Variants in AGBL1 observed in about 807,000 individuals in gnomAD.
The protein encoded by AGBL1 is AGBL carboxypeptidase 1.
Under a neutral mutation model 118.9 loss-of-function variants are expected in AGBL1, and 130 were observed. That is an observed-to-expected ratio of 1.09 (90% CI 0.95 to 1.26). The LOEUF (loss-of-function observed/expected upper bound fraction) is 1.26, where lower values mean the gene tolerates loss of function less well. Among genes scored for constraint, AGBL1 ranks in the 50% most tolerant of loss-of-function variants. The pLI is 0.00. For synonymous variants in AGBL1, 555 were observed against 478.9 expected, an observed-to-expected ratio of 1.16 and a Z score of -2.08; for missense variants, 1,584 against 1,298.1, an observed-to-expected ratio of 1.22 and a Z score of -3.38.
chr15:86,512,218 A>G (rs2083060388), intron 18 of AGBL1, among the ~76,000 whole-genome samples: 1 of 151,978 alleles, frequency 6.6e-6, no homozygotes, highest in South Asian at 2.1e-4. Flanking sequence ...AGGTGTCCTC[A>G]AATTACTTTT....
At chr15:86,878,580 T>A (rs2079847338) in intron 22 of AGBL1, among the ~76,000 whole-genome samples, 1 of 152,118 alleles carries the variant, frequency 6.6e-6, no homozygotes, top group South Asian at 2.1e-4. Context: ...TTTGTTTCTC[T>A]CTTCTATATC....
chr15:86,926,677 G>A (rs1018223377), intron 23 of AGBL1, among the ~76,000 whole-genome samples: 1 of 152,182 alleles, frequency 6.6e-6, no homozygotes. Flanking sequence ...TGAGACACAT[G>A]TAGAATAATT....
intron 17 of AGBL1, among the ~76,000 whole-genome samples, chr15:86,390,533 C>T (rs769711179): frequency 6.6e-6 from 1 of 152,006 alleles, no homozygotes; most frequent in Admixed American, 6.6e-5. Context: ...ATATTCATTG[C>T]TATGTGGTAC....
intron 1 of AGBL1, among the ~76,000 whole-genome samples, chr15:86,116,887 C>T (rs1410880817): frequency 6.6e-6 from 1 of 152,106 alleles, no homozygotes; most frequent in Non-Finnish European, 1.5e-5. Flanking sequence ...CAAGACAACC[C>T]TAATACAGTT....
intron 22 of AGBL1, among the ~76,000 whole-genome samples, chr15:86,872,093 AAC>A (rs2141507289): frequency 6.6e-6 from 1 of 152,300 alleles, no homozygotes; most frequent in African/African-American, 2.4e-5. Context: ...CTAGAACTCA[AAC>A]ACAGAGCAGA....
chr15:86,398,772 A>G (rs1021111910), intron 18 of AGBL1, among the ~76,000 whole-genome samples: 25 of 152,184 alleles, frequency 1.6e-4, no homozygotes, highest in African/African-American at 6.0e-4. Flanking sequence ...ATAAGTTGAA[A>G]AGGTTAAAAG....
intron 24 of AGBL1, among the ~76,000 whole-genome samples, chr15:86,991,748 C>T (rs1233949506): frequency 2.0e-5 from 3 of 152,092 alleles, no homozygotes; most frequent in South Asian, 2.1e-4. Flanking sequence ...CGTAGCACTG[C>T]GTATGGTTTC....
chr15:86,916,770 A>G (rs1469971940), downstream of AGBL1, among the ~76,000 whole-genome samples: 2 of 152,158 alleles, frequency 1.3e-5, no homozygotes, highest in South Asian at 2.1e-4. Flanking sequence ...CGGGGCCTGC[A>G]GAGAACACCA....
rs376874059 is a variant in AGBL1 at position 87,004,515 on chromosome 15, G to T, written c.3323+16427G>T. ...ATCAGAGACTAAGATTATAACCCCT[G>T]CCTTTTTTTGTTTTCCATTTGCTTG... On this transcript the variant is annotated intron_variant, in intron 24 of 24. Transcript: ENST00000441037. Among the ~76,000 whole-genome samples, 9 of 152,004 alleles carry T rather than the reference G, an allele frequency of 5.9e-5. No individual in the cohort carries two copies. The South Asian group carries it at 1.0e-3, about 18-fold the overall frequency.
intron 17 of AGBL1, among the ~76,000 whole-genome samples, chr15:86,395,862 C>T (rs558115540): frequency 6.6e-6 from 1 of 151,972 alleles, no homozygotes; most frequent in Non-Finnish European, 1.5e-5. Context: ...CTTCCATTGC[C>T]TATTCTTTAG....
chr15:86,248,917 T>G (rs143422846), intron 7 of AGBL1, among the ~76,000 whole-genome samples: 1 of 152,110 alleles, frequency 6.6e-6, no homozygotes, highest in African/African-American at 2.4e-5. Context: ...AGCTGAGACC[T>G]GAGTTGTTGG....
At chr15:86,728,368 A>C (rs2086849971) in intron 22 of AGBL1, among the ~76,000 whole-genome samples, 1 of 152,190 alleles carries the variant, frequency 6.6e-6, no homozygotes, top group Non-Finnish European at 1.5e-5. Context: ...TGAGCTTCTA[A>C]AGAAATTCTA....
chr15:86,316,334 A>G (rs543709457), intron 17 of AGBL1, among the ~76,000 whole-genome samples: 2 of 151,974 alleles, frequency 1.3e-5, no homozygotes, highest in Admixed American at 6.6e-5. Context: ...TGCTTGATTC[A>G]TTTTTTCTTG....
chr15:86,904,823 T>A (rs1315683386), intron 22 of AGBL1, among the ~76,000 whole-genome samples: 1 of 151,870 alleles, frequency 6.6e-6, no homozygotes, highest in Non-Finnish European at 1.5e-5. Flanking sequence ...CAAATATGGT[T>A]TTTTCTATAT....
At chr15:86,723,406 CA>C (rs961447703) in intron 22 of AGBL1, among the ~76,000 whole-genome samples, 2 of 151,930 alleles carry the variant, frequency 1.3e-5, no homozygotes, top group Admixed American at 6.6e-5. Flanking sequence ...GTCGCAAGGA[CA>C]AAAAACCAAA....
At chr15:86,890,349 C>T (rs2080035618) in intron 22 of AGBL1, among the ~76,000 whole-genome samples, 1 of 152,066 alleles carries the variant, frequency 6.6e-6, no homozygotes, top group Admixed American at 6.6e-5. Flanking sequence ...TGTTTTTTCA[C>T]TCTGATTGAT....
intron 17 of AGBL1, among the ~76,000 whole-genome samples, chr15:86,373,712 A>G (rs1043779938): frequency 8.5e-5 from 13 of 152,220 alleles, no homozygotes; most frequent in African/African-American, 2.2e-4. Context: ...AGCTGTAGGC[A>G]AAGCACAGCA....
rs1158183157 is a variant in AGBL1 at position 86,533,283 on chromosome 15, A to C, written c.2685+10344A>C. On this transcript the variant is annotated intron_variant, in intron 19 of 22. Transcript: ENST00000614907. ...TTTACAAGAAAAAAACAAACAACCCAGTCAAAAAGTGGGCGAAGGACATGA... is the reference window on the plus strand; with the variant it reads ...TTTACAAGAAAAAAACAAACAACCCCGTCAAAAAGTGGGCGAAGGACATGA... 7.9e-4 allele frequency among the ~76,000 whole-genome samples: 87 copies of C among 109,854 alleles called. No homozygotes were observed. The Middle Eastern group carries it at 0.012, about 16-fold the overall frequency. 72.1% of individuals were successfully genotyped at this position (109,854 alleles called of 152,430 possible). A position where few individuals can be genotyped will look rare whatever the true frequency, so the allele number is the denominator to read the frequency against.
chr15:86,837,649 A>G (rs895057039), intron 22 of AGBL1, among the ~76,000 whole-genome samples: 1 of 152,214 alleles, frequency 6.6e-6, no homozygotes, highest in African/African-American at 2.4e-5. Flanking sequence ...TGTGAGAAAA[A>G]GAGCTGCAAA....
Sources: allele counts gnomAD v4.1 joint callset (sites outside exome capture counted in the v4.1 genomes callset), GRCh38; gene constraint gnomAD v4.1.1; transcripts MANE v1.5; gene names NCBI Gene and HGNC (gene_info 2026-07-23, HGNC 2026-07-21).